FAM135A: variants seen among roughly 807,000 people sequenced by gnomAD.
The protein encoded by FAM135A is protein FAM135A.
FAM135A carries 79 observed loss-of-function variants against 146.8 expected under a neutral mutation model. That is an observed-to-expected ratio of 0.54 (90% CI 0.45 to 0.65). The LOEUF is 0.65. FAM135A is among the 30% of genes least tolerant of loss of function. FAM135A has a pLI of 0.00. For missense variants in FAM135A, 1,623 were observed against 1,758.2 expected (o/e 0.92, Z 1.38); for synonymous variants, 562 against 603.6 (o/e 0.93, Z 1.01).
intron 12 of FAM135A, among the ~76,000 whole-genome samples, chr6:70,507,738 A>G (rs1790109016): frequency 1.3e-5 from 2 of 152,092 alleles, no homozygotes; most frequent in South Asian, 2.1e-4. Context: ...CATAGAGACT[A>G]TTGTGTGTGA....
chr6:70,502,867 C>A, intron 12 of FAM135A, 76 bp downstream of exon 12: 1 of 1,431,314 alleles, frequency 7.0e-7, no homozygotes, highest in Admixed American at 2.1e-5. Context: ...TGAAAACAAA[C>A]CTGATTTTTA....
chr6:70,505,414 C>T (rs919425285), intron 12 of FAM135A, among the ~76,000 whole-genome samples: 6 of 152,008 alleles, frequency 3.9e-5, no homozygotes, highest in East Asian at 1.9e-4. Context: ...CTTATCTTTG[C>T]GTGACCTTGA....
intron 12 of FAM135A, among the ~76,000 whole-genome samples, chr6:70,509,570 A>G (rs998383050): frequency 6.6e-6 from 1 of 152,200 alleles, no homozygotes; most frequent in Non-Finnish European, 1.5e-5. Flanking sequence ...TGGAAGGACC[A>G]TAGTAATTTA....
At chr6:70,424,042 TGAA>T (rs993946528) in intron 2 of FAM135A, among the ~76,000 whole-genome samples, 4 of 152,258 alleles carry the variant, frequency 2.6e-5, no homozygotes, top group African/African-American at 9.6e-5. Context: ...ATGAGAATGA[TGAA>T]GATCTCATGC....
intron 20 of FAM135A, among the ~76,000 whole-genome samples, chr6:70,540,791 G>C (rs1232545901): frequency 6.6e-6 from 1 of 152,008 alleles, no homozygotes; most frequent in Non-Finnish European, 1.5e-5. Context: ...CCTAGCCTTT[G>C]ATCTCTTCCA....
chr6:70,533,574 T>TC (rs985083072), intron 17 of FAM135A, among the ~76,000 whole-genome samples, 183 bp from the exon 18 acceptor site: 3 of 152,132 alleles, frequency 2.0e-5, no homozygotes, highest in African/African-American at 7.2e-5. Flanking sequence ...AACCTTTTTT[T>TC]CCCCTAGAAA....
At chr6:70,553,718 A>T (rs1225504322) in intron 20 of FAM135A, among the ~76,000 whole-genome samples, 1 of 152,198 alleles carries the variant, frequency 6.6e-6, no homozygotes, top group Non-Finnish European at 1.5e-5. Context: ...ATATAAATTT[A>T]AAATTCTTCC....
chr6:70,471,475 T>C (rs2128137936), intron 5 of FAM135A, among the ~76,000 whole-genome samples: 1 of 152,164 alleles, frequency 6.6e-6, no homozygotes, highest in Non-Finnish European at 1.5e-5. Context: ...CAACAAACAT[T>C]ACACATGTTC....
rs1054121798 is a variant in FAM135A at position 70,417,553 on chromosome 6, T to G, written c.-134+2177T>G. ...TCTGTTAAGTGTTATGAAATGTTCT[T>G]TTGCTACTGGTCTTAATTTAACCTG... is the stretch of plus-strand genomic sequence containing the variant. On this transcript the variant is annotated intron_variant, in intron 2 of 21. Transcript: ENST00000418814. The G allele has an allele frequency of 5.3e-6, 5 of 942,788 alleles. No homozygotes were observed. In the African/African-American group the frequency reaches 8.9e-5, roughly 17 times the overall value. The allele number at this position is 942,788 out of a possible 1,614,324, so 58.4% of individuals were successfully genotyped here.
intron 4 of FAM135A, among the ~76,000 whole-genome samples, chr6:70,445,850 G>C (rs986238706): frequency 6.7e-6 from 1 of 148,818 alleles, no homozygotes; most frequent in African/African-American, 2.5e-5. Flanking sequence ...GATTCGGGGC[G>C]GGGGGGGCTG....
intron 4 of FAM135A, among the ~76,000 whole-genome samples, chr6:70,435,581 G>A (rs1389161112): frequency 6.6e-6 from 1 of 151,652 alleles, no homozygotes; most frequent in East Asian, 1.9e-4. Flanking sequence ...GCGTAGTGAT[G>A]CAATGTCGGC....
At chr6:70,535,923 G>A (rs1225660943) in intron 18 of FAM135A, 1 of 163,460 alleles carries the variant, frequency 6.1e-6, no homozygotes, top group Non-Finnish European at 1.3e-5. Flanking sequence ...TAAATAATTT[G>A]TGTATGTACC....
intron 16 of FAM135A, among the ~76,000 whole-genome samples, chr6:70,530,063 CA>C (rs372824722): frequency 0.13 from 19,053 of 145,550 alleles, 1,454 homozygotes; most frequent in Middle Eastern, 0.2. Context: ...GACTACGTCT[CA>C]AAAAAAAAAA....
chr6:70,521,245 G>A (rs1793512255), intron 12 of FAM135A, among the ~76,000 whole-genome samples: 1 of 152,190 alleles, frequency 6.6e-6, no homozygotes, highest in African/African-American at 2.4e-5. Flanking sequence ...AAGGTAGAGA[G>A]AGAAGGAAAA....
chr6:70,478,272 A>G (rs1365925471), intron 8 of FAM135A, among the ~76,000 whole-genome samples: 1 of 152,186 alleles, frequency 6.6e-6, no homozygotes, highest in Non-Finnish European at 1.5e-5. Context: ...TCATTAAAGT[A>G]AAAATACAAT....
intron 4 of FAM135A, among the ~76,000 whole-genome samples, chr6:70,431,299 C>T (rs1446948668): frequency 1.3e-5 from 2 of 152,166 alleles, no homozygotes. Context: ...TTCTACTGAT[C>T]TAGGGTGGCT....
In FAM135A at chr6:70,436,616, G is replaced by GA. The variant is rs891165668; in HGVS notation, c.77+8206dup. Among the ~76,000 whole-genome samples, 479 of 149,994 alleles carry GA rather than the reference G, an allele frequency of 3.2e-3. 3 individuals carry two copies. The highest frequency in any genetic ancestry group is 0.011 in the African/African-American group (446 of 40,920). ...TTTTATAATTTGATGTTGGCGATAT[G>GA]AAAAAAAAACAGTTGTGAAAATCAT... is the stretch of plus-strand genomic sequence containing the variant. On this transcript the variant is annotated intron_variant, in intron 4 of 21. Coordinates refer to ENST00000418814, the MANE Select transcript of FAM135A (RefSeq NM_001162529.3).
intron 12 of FAM135A, among the ~76,000 whole-genome samples, chr6:70,522,180 G>A (rs1793741934): frequency 6.6e-6 from 1 of 152,326 alleles, no homozygotes; most frequent in South Asian, 2.1e-4. Flanking sequence ...GCCTCCCAGA[G>A]TTCTGGGATT....
At chr6:70,543,669 G>A (rs906356601) in intron 20 of FAM135A, among the ~76,000 whole-genome samples, 23 of 152,168 alleles carry the variant, frequency 1.5e-4, no homozygotes, top group African/African-American at 5.5e-4. Flanking sequence ...GAGCTATGGA[G>A]TTCATACCCT....
Sources: gnomAD v4.1 joint callset for allele counts (sites outside exome capture counted in the v4.1 genomes callset) on GRCh38, gnomAD v4.1.1 for gene constraint, MANE v1.5 for transcripts, NCBI Gene and HGNC (gene_info 2026-07-23, HGNC 2026-07-21) for gene names.